Variants in C1orf141 observed in about 807,000 individuals in gnomAD.
C1orf141 encodes the protein chromosome 1 open reading frame 141, also known as uncharacterized protein C1orf141.
C1orf141 carries 19 observed loss-of-function variants against 23.2 expected under a neutral mutation model. The observed-to-expected ratio is 0.82, with a 90% CI of 0.57 to 1.20. The LOEUF is 1.20. Among genes scored for constraint, C1orf141 ranks in the 50% most tolerant of loss-of-function variants. The probability of loss-of-function intolerance (pLI) is 0.00; values close to 1 mark genes in which losing one functional copy is unlikely to be tolerated. For synonymous variants in C1orf141, 153 were observed against 154.6 expected, an observed-to-expected ratio of 0.99 and a Z score of 0.08; for missense variants, 469 against 455.1, an observed-to-expected ratio of 1.03 and a Z score of -0.28.
intron 4 of C1orf141, among the ~76,000 whole-genome samples, chr1:67,116,371 C>T (rs1199291315): frequency 1.3e-5 from 2 of 151,982 alleles, no homozygotes; most frequent in Admixed American, 6.6e-5. Context: ...AATCCAAACA[C>T]CTCTTTCCTC....
Position 67,125,817 on chromosome 1 carries a change from T to C in C1orf141, c.168A>G (p.Thr56=). Residue 56 remains threonine (T), a synonymous_variant, in exon 4 of 8, where the codon ACA becomes ACG. Transcript: ENST00000684719. ...FQLEFEEALA[T]SASKAISKIK... The stretch of plus-strand genomic sequence containing the variant: ...TCTTTGATATTGCCTTAGACGCGGA[T>C]GTAGCAAGAGCTTCTTCAAATTCCA... 1 of 1,613,722 alleles carries C rather than the reference T, an allele frequency of 6.2e-7. No individual in the cohort carries two copies. Among genetic ancestry groups the C allele is most frequent in the East Asian group, 2.2e-5 (1 of 44,874 alleles).
At chr1:67,126,260 A>T (rs1426199350) in intron 3 of C1orf141, among the ~76,000 whole-genome samples, 1 of 152,218 alleles carries the variant, frequency 6.6e-6, no homozygotes, top group African/African-American at 2.4e-5. Context: ...ATGTCCCTCC[A>T]GCCTGCTCCT....
At chr1:67,115,566 C>T in intron 4 of C1orf141, 102 bp from the exon 5 acceptor site, 1 of 540,392 alleles carries the variant, frequency 1.9e-6, no homozygotes, top group South Asian at 2.8e-5. Context: ...GTTATACAGA[C>T]TTGGATGTTA....
chr1:67,136,392 C>T (rs1002977516), upstream of C1orf141, among the ~76,000 whole-genome samples: 1 of 152,110 alleles, frequency 6.6e-6, no homozygotes, highest in Non-Finnish European at 1.5e-5. Flanking sequence ...CATTCAGGAA[C>T]AATGGTTTGT....
intron 7 of C1orf141, 187 bp downstream of exon 7, chr1:67,095,048 A>G (rs1257189334): frequency 2.0e-6 from 1 of 488,802 alleles, no homozygotes; most frequent in Admixed American, 3.8e-5. Context: ...CAGCTGGTAT[A>G]AAGGAATCCC....
At chr1:67,110,735 A>G (rs1646049716) in intron 5 of C1orf141, among the ~76,000 whole-genome samples, 1 of 151,816 alleles carries the variant, frequency 6.6e-6, no homozygotes, top group South Asian at 2.1e-4. Context: ...GTTGTAATAC[A>G]TAGCTTGGGG....
At chr1:67,101,698 T>C (rs1282994915) in intron 5 of C1orf141, among the ~76,000 whole-genome samples, 1 of 152,152 alleles carries the variant, frequency 6.6e-6, no homozygotes, top group Non-Finnish European at 1.5e-5. Flanking sequence ...CTTCCCTATT[T>C]TCTTTTTGTG....
chr1:67,112,929 T>C (rs1300549904), intron 5 of C1orf141, among the ~76,000 whole-genome samples: 2 of 152,176 alleles, frequency 1.3e-5, no homozygotes, highest in Non-Finnish European at 2.9e-5. Flanking sequence ...AAAATATATA[T>C]TCCTTTCAGG....
intron 4 of C1orf141, chr1:67,122,506 C>A (rs1646319486): frequency 6.6e-6 from 1 of 152,200 alleles, no homozygotes; most frequent in Admixed American, 6.5e-5. Context: ...CCACCTTTGT[C>A]TGTGTTCCAA....
chr1:67,109,101 G>A (rs1462000343), intron 5 of C1orf141, among the ~76,000 whole-genome samples: 4 of 152,078 alleles, frequency 2.6e-5, no homozygotes, highest in Non-Finnish European at 4.4e-5. Context: ...GCCGAGGCAG[G>A]CGGATCACGA....
intron 4 of C1orf141, among the ~76,000 whole-genome samples, chr1:67,118,797 T>A (rs1005704059): frequency 6.6e-6 from 1 of 152,208 alleles, no homozygotes; most frequent in Non-Finnish European, 1.5e-5. Context: ...TATCTCCTCA[T>A]GACGTGAAGA....
Position 67,093,097 on chromosome 1 carries a change from A to C in C1orf141, c.1111T>G (p.Ser371Ala), listed in dbSNP as rs1645587655. The C allele has an allele frequency of 6.2e-7, 1 of 1,613,198 alleles. No individual in the cohort carries two copies. The highest frequency in any genetic ancestry group is 8.5e-7 in the Non-Finnish European group (1 of 1,179,170). The change falls in exon 8 of 8, where the codon TCA becomes GCA. Residue 371 changes from serine to alanine, a missense_variant. By Grantham distance (99) the Ser-to-Ala change is moderately conservative. Coordinates refer to ENST00000684719, the MANE Select transcript of C1orf141 (RefSeq NM_001276351.2). The stretch of plus-strand genomic sequence containing the variant: ...TCATATATATATTTAAAAGGCTTTG[A>C]GTAACATTTGACAGGTAAGGCACTG... Reference protein sequence around the residue: ...TSSALPVKCYSKPFKYIYELN... With the variant: ...TSSALPVKCYAKPFKYIYELN...
intron 6 of C1orf141, 101 bp downstream of exon 6, chr1:67,096,151 A>T (rs1270356768): frequency 3.0e-6 from 2 of 661,674 alleles, no homozygotes; most frequent in African/African-American, 3.7e-5. Context: ...GTGGAACTAA[A>T]TAATAAGGCA....
intron 4 of C1orf141, among the ~76,000 whole-genome samples, chr1:67,118,861 A>G (rs1425876538): frequency 6.6e-6 from 1 of 152,168 alleles, no homozygotes; most frequent in African/African-American, 2.4e-5. Context: ...CAGACACCCA[A>G]TCTGCTGGAA....
At chr1:67,139,610 A>G (rs1272038513), upstream of C1orf141, among the ~76,000 whole-genome samples, 1 of 152,236 alleles carries the variant, frequency 6.6e-6, no homozygotes, top group Non-Finnish European at 1.5e-5. Context: ...AAACATATTC[A>G]TTTGTATAGC....
chr1:67,134,459 T>C (rs12095536), intron 1 of C1orf141, among the ~76,000 whole-genome samples: 126,618 of 152,250 alleles, frequency 0.83, 52,647 homozygotes, highest in East Asian at 0.92. Flanking sequence ...GGCGATCAGC[T>C]TCCACCATCC....
chr1:67,095,414 A>AT lies in C1orf141; in HGVS notation c.423dup (p.Ser142IlefsTer8), dbSNP rs1395320437. On this transcript the variant is annotated frameshift_variant, in exon 7 of 8. Transcript: ENST00000684719. LOFTEE classifies it high-confidence loss of function. ...ATATTAAAATCGTTCATCTGTGGAG[A>AT]TTTTTTTCTGAAAATAAACACAGTT... The AT allele has an allele frequency of 5.3e-6, 8 of 1,519,492 alleles. No individual in the cohort carries two copies. Among genetic ancestry groups the AT allele is most frequent in the Admixed American group, 4.2e-5 (2 of 48,134 alleles). 94.1% of individuals were successfully genotyped at this position (1,519,492 alleles called of 1,614,324 possible). A position where few individuals can be genotyped will look rare whatever the true frequency, so the allele number is the denominator to read the frequency against.
chr1:67,125,807 T>C lies in C1orf141; in HGVS notation c.178A>G (p.Lys60Glu). The C allele has an allele frequency of 6.2e-7, 1 of 1,613,992 alleles. No homozygotes were observed. Among genetic ancestry groups the C allele is most frequent in the Non-Finnish European group, 8.5e-7 (1 of 1,179,930 alleles). Residue 60 changes from lysine to glutamate, a missense_variant, in exon 4 of 8, where the codon AAG becomes GAG. Physicochemically the swap from Lys to Glu is moderately conservative, Grantham distance 56. Transcript: ENST00000684719. ...TCTTCTTTGATCTTTGATATTGCCT[T>C]AGACGCGGATGTAGCAAGAGCTTCT... is the stretch of plus-strand genomic sequence containing the variant. ...FEEALATSAS[K>E]AISKIKEDKS...
intron 7 of C1orf141, chr1:67,094,188 T>G (rs1207618229): frequency 6.6e-6 from 1 of 152,242 alleles, no homozygotes; most frequent in Non-Finnish European, 1.5e-5. Flanking sequence ...TAGATTGACT[T>G]AAGAATAGAC....
Sources: allele counts gnomAD v4.1 joint callset (sites outside exome capture counted in the v4.1 genomes callset), GRCh38; gene constraint gnomAD v4.1.1; transcripts MANE v1.5; gene names NCBI Gene and HGNC (gene_info 2026-07-23, HGNC 2026-07-21).